The following STN1 variants were observed in gnomAD, a reference collection of about 807,000 sequenced individuals.
STN1 encodes the protein CST complex subunit STN1.
STN1 carries 29 observed loss-of-function variants against 45.5 expected under a neutral mutation model. That is an observed-to-expected ratio of 0.64 (90% CI 0.47 to 0.87). The LOEUF is 0.87. Ranked by LOEUF, STN1 falls within the 40% of genes least tolerant of loss-of-function variation. The probability of loss-of-function intolerance (pLI) is 0.00; values close to 1 mark genes in which losing one functional copy is unlikely to be tolerated. For missense variants in STN1, 376 were observed against 441.4 expected (o/e 0.85, Z 1.33); for synonymous variants, 148 against 159.0 (o/e 0.93, Z 0.52).
chr10:103,900,502 T>A (rs1453748154), intron 4 of STN1, among the ~76,000 whole-genome samples: 1 of 152,212 alleles, frequency 6.6e-6, no homozygotes, highest in African/African-American at 2.4e-5. Flanking sequence ...TTTCCTGCCC[T>A]GCATCACCAG....
intron 4 of STN1, among the ~76,000 whole-genome samples, chr10:103,902,054 T>A (rs554823122): frequency 5.7e-4 from 86 of 152,206 alleles, no homozygotes; most frequent in Non-Finnish European, 1.1e-3. Flanking sequence ...AAACCCTTCA[T>A]CAAAATCAAC....
At chr10:103,888,266 G>C (rs1232753232) in intron 9 of STN1, among the ~76,000 whole-genome samples, 2 of 152,234 alleles carry the variant, frequency 1.3e-5, no homozygotes, top group African/African-American at 4.8e-5. Context: ...CGAAGGACTG[G>C]AGGTGGAGTT....
chr10:103,878,442 G>C lies in STN1; in HGVS notation c.*4242C>G, dbSNP rs750043845. 5 of 152,180 alleles carry C rather than the reference G, an allele frequency of 3.3e-5. No individual in the cohort carries two copies. The highest frequency in any genetic ancestry group is 7.3e-5 in the Non-Finnish European group (5 of 68,050). The allele number at this position is 152,180 out of a possible 1,614,324, so 9.4% of individuals were successfully genotyped here. On this transcript the variant is annotated 3_prime_UTR_variant, in exon 10 of 10. Coordinates refer to ENST00000224950, the MANE Select transcript of STN1 (RefSeq NM_024928.5). Reference sequence around the variant, plus strand: ...TCATTCTTGGTTTACTCATGCTTCAGGTTACATGAATGTGGGGTGGGGAGT... The same window carrying C: ...TCATTCTTGGTTTACTCATGCTTCACGTTACATGAATGTGGGGTGGGGAGT...
chr10:103,889,695 CTTTTTTTTT>C (rs58738841), intron 8 of STN1, among the ~76,000 whole-genome samples: 178 of 122,144 alleles, frequency 1.5e-3, no homozygotes, highest in African/African-American at 5.6e-3. Context: ...TTTCTTTTTC[CTTTTTTTTT>C]TTTTTTTTTT....
chr10:103,910,405 A>C, intron 3 of STN1, 122 bp downstream of exon 3: 1 of 570,292 alleles, frequency 1.8e-6, no homozygotes, highest in East Asian at 2.8e-5. Context: ...CCATAGAGAA[A>C]GTACATGCCC....
rs183506764 is a variant in STN1 at position 103,902,223 on chromosome 10, G to A, written c.296-2000C>T. Reference sequence around the variant, plus strand: ...GAACCTGGACGCAATCAGCATTACCGCTGCTCAGAGCTTACTGGGTTTCTT... The same window carrying A: ...GAACCTGGACGCAATCAGCATTACCACTGCTCAGAGCTTACTGGGTTTCTT... On this transcript the variant is annotated intron_variant, in intron 4 of 9. Transcript: ENST00000224950. Among the ~76,000 whole-genome samples, 7 of 152,186 alleles carry A rather than the reference G, an allele frequency of 4.6e-5. No individual in the cohort carries two copies. In the South Asian group the frequency reaches 6.2e-4, roughly 14 times the overall value.
intron 4 of STN1, among the ~76,000 whole-genome samples, chr10:103,904,689 C>T (rs1319824623): frequency 1.3e-5 from 2 of 152,230 alleles, no homozygotes; most frequent in East Asian, 3.9e-4. Flanking sequence ...AAGTTAGTGG[C>T]AACCATGTGA....
At chr10:103,905,199 G>C in intron 3 of STN1, 43 bp from the exon 4 acceptor site, 1 of 1,553,576 alleles carries the variant, frequency 6.4e-7, no homozygotes, top group Non-Finnish European at 8.9e-7. Flanking sequence ...ATTTGGGCAA[G>C]GCTGGTGAAT....
chr10:103,910,066 G>A (rs1843279776), intron 3 of STN1, among the ~76,000 whole-genome samples: 1 of 152,064 alleles, frequency 6.6e-6, no homozygotes, highest in African/African-American at 2.4e-5. Flanking sequence ...GTATCAAAAG[G>A]CTTTTTGTTA....
intron 7 of STN1, among the ~76,000 whole-genome samples, chr10:103,897,028 C>T (rs987579145): frequency 1.2e-4 from 18 of 152,098 alleles, no homozygotes; most frequent in African/African-American, 2.7e-4. Flanking sequence ...AAATGATTCG[C>T]GAACTTGAAC....
chr10:103,896,009 CA>C (rs1370425450), intron 7 of STN1, among the ~76,000 whole-genome samples: 2 of 152,140 alleles, frequency 1.3e-5, no homozygotes, highest in Non-Finnish European at 2.9e-5. Context: ...GAAGGGGCTA[CA>C]GTGACTTAGA....
intron 4 of STN1, 116 bp from the exon 5 acceptor site, chr10:103,900,339 T>A: frequency 1.0e-6 from 1 of 971,122 alleles, no homozygotes; most frequent in Non-Finnish European, 1.5e-6. Context: ...ATTCTACTTC[T>A]GAGTAATTGT....
chr10:103,908,053 C>T (rs1403905550), intron 3 of STN1, among the ~76,000 whole-genome samples: 4 of 151,474 alleles, frequency 2.6e-5, no homozygotes, highest in African/African-American at 7.3e-5. Context: ...CACTTGAACC[C>T]GGGAGGCGGG....
intron 5 of STN1, 80 bp downstream of exon 5, chr10:103,899,982 T>C (rs1222161014): frequency 1.1e-5 from 15 of 1,407,802 alleles, no homozygotes; most frequent in East Asian, 2.3e-5. Flanking sequence ...TTTTGAAAGT[T>C]TGACTTCCAG....
chr10:103,908,065 G>T (rs1050779105), intron 3 of STN1, among the ~76,000 whole-genome samples: 1 of 151,798 alleles, frequency 6.6e-6, no homozygotes, highest in Non-Finnish European at 1.5e-5. Flanking sequence ...GGAGGCGGGG[G>T]TTGCAGTGAG....
intron 3 of STN1, among the ~76,000 whole-genome samples, chr10:103,908,466 C>T (rs1347866928): frequency 1.3e-5 from 2 of 152,206 alleles, no homozygotes; most frequent in Non-Finnish European, 2.9e-5. Context: ...GAAGCACCCC[C>T]AGCACAGGCC....
chr10:103,900,313 C>T, intron 4 of STN1, 90 bp from the exon 5 acceptor site: 1 of 1,226,506 alleles, frequency 8.2e-7, no homozygotes, highest in East Asian at 2.4e-5. Context: ...GTAAGACCAA[C>T]ACAATATGCT....
At chr10:103,914,551 A>G (rs957155880) in intron 2 of STN1, among the ~76,000 whole-genome samples, 2 of 151,342 alleles carry the variant, frequency 1.3e-5, no homozygotes, top group African/African-American at 2.4e-5. Flanking sequence ...ACGGGGTCTC[A>G]CTTTGTTGCC....
In STN1 at chr10:103,881,952, C is replaced by T. The variant is rs988452532; in HGVS notation, c.*732G>A. On this transcript the variant is annotated 3_prime_UTR_variant, in exon 10 of 10. Transcript: ENST00000224950. Reference sequence around the variant, plus strand: ...TGCCAGGCAATTGGCTGACTGCCTCCGTGATCTTCAGGGGCATCGAGGGAC... The same window carrying T: ...TGCCAGGCAATTGGCTGACTGCCTCTGTGATCTTCAGGGGCATCGAGGGAC... Among the ~76,000 whole-genome samples the T allele has an allele frequency of 3.3e-5, 5 of 152,220 alleles. No individual in the cohort carries two copies. Among genetic ancestry groups the T allele is most frequent in the African/African-American group, 9.7e-5 (4 of 41,448 alleles).
Sources: allele counts gnomAD v4.1 joint callset (sites outside exome capture counted in the v4.1 genomes callset), GRCh38; gene constraint gnomAD v4.1.1; transcripts MANE v1.5; gene names NCBI Gene and HGNC (gene_info 2026-07-23, HGNC 2026-07-21).